The following AKR1D1 variants were observed in gnomAD, a reference collection of about 807,000 sequenced individuals.
The protein encoded by AKR1D1 is delta(4)-3-ketosteroid 5-beta-reductase.
AKR1D1 carries 32 observed loss-of-function variants against 42.6 expected under a neutral mutation model. The observed-to-expected ratio is 0.75, with a 90% CI of 0.57 to 1.01. AKR1D1 has a LOEUF of 1.01. Ranked by LOEUF, AKR1D1 falls within the 50% of genes least tolerant of loss-of-function variation. The probability of loss-of-function intolerance (pLI) is 0.00; values close to 1 mark genes in which losing one functional copy is unlikely to be tolerated. For missense variants in AKR1D1, 364 were observed against 402.2 expected, an observed-to-expected ratio of 0.91 and a Z score of 0.81; for synonymous variants, 123 against 135.5, an observed-to-expected ratio of 0.91 and a Z score of 0.64.
At chr7:138,105,572 T>TG in intron 5 of AKR1D1, 143 bp downstream of exon 5, 1 of 1,274,324 alleles carries the variant, frequency 7.8e-7, no homozygotes, top group Non-Finnish European at 1.1e-6. Context: ...TCTTTAGACT[T>TG]CTTTCTATTG....
intron 1 of AKR1D1, 90 bp downstream of exon 1, chr7:138,076,701 C>A: frequency 1.8e-6 from 2 of 1,094,244 alleles, no homozygotes; most frequent in South Asian, 2.6e-5. Context: ...AAGCAGATCT[C>A]ATTGACTTAC....
At chr7:138,113,119 C>T (rs1794566297) in intron 7 of AKR1D1, among the ~76,000 whole-genome samples, 2 of 152,172 alleles carry the variant, frequency 1.3e-5, no homozygotes, top group South Asian at 4.2e-4. Context: ...GAGTTTGAGA[C>T]CAGCCTGGGC....
intron 3 of AKR1D1, among the ~76,000 whole-genome samples, chr7:138,096,653 T>C (rs1341564751): frequency 6.6e-6 from 1 of 152,154 alleles, no homozygotes; most frequent in East Asian, 1.9e-4. Flanking sequence ...AGACATTTTG[T>C]CTTCCTATTA....
chr7:138,100,911 AGC>A (rs1794294483), intron 4 of AKR1D1, among the ~76,000 whole-genome samples: 1 of 151,766 alleles, frequency 6.6e-6, no homozygotes, highest in Non-Finnish European at 1.5e-5. Context: ...TCACTGTGTT[AGC>A]CAGGATGGTC....
At chr7:138,082,475 C>T (rs1803078811) in intron 1 of AKR1D1, among the ~76,000 whole-genome samples, 1 of 152,038 alleles carries the variant, frequency 6.6e-6, no homozygotes, top group Non-Finnish European at 1.5e-5. Flanking sequence ...TCAAGCAATC[C>T]TCCTGCCTCT....
intron 1 of AKR1D1, among the ~76,000 whole-genome samples, chr7:138,084,171 T>C (rs914519266): frequency 6.6e-6 from 1 of 151,986 alleles, no homozygotes; most frequent in Non-Finnish European, 1.5e-5. Flanking sequence ...CATTCAGACT[T>C]TCCCATAAAA....
intron 1 of AKR1D1, among the ~76,000 whole-genome samples, chr7:138,082,037 T>C (rs556046869): frequency 2.0e-5 from 3 of 152,356 alleles, no homozygotes; most frequent in South Asian, 4.1e-4. Flanking sequence ...AGGTAGATCC[T>C]GCCTGGAGCA....
intron 1 of AKR1D1, among the ~76,000 whole-genome samples, chr7:138,077,666 GAATA>G (rs1470279257): frequency 6.6e-6 from 1 of 152,324 alleles, no homozygotes; most frequent in East Asian, 1.9e-4. Flanking sequence ...CTGATTACGA[GAATA>G]AATAGTGACA....
At position 138,076,731 on chromosome 7, in the gene AKR1D1, A is replaced by T; in HGVS notation, c.93+120A>T. 10 of 816,940 alleles carry T rather than the reference A, an allele frequency of 1.2e-5. No homozygotes were observed. In the South Asian group the frequency reaches 1.5e-4, roughly 12 times the overall value. 50.6% of individuals were successfully genotyped at this position (816,940 alleles called of 1,614,324 possible). On this transcript the variant is annotated intron_variant, in intron 1 of 8. Coordinates refer to ENST00000242375, the MANE Select transcript of AKR1D1 (RefSeq NM_005989.4). ...ACTTACTTTTTGTAGTAATGGAAGC[A>T]ACCTCAATTTGTAATAATGAAAGGA... is the stretch of plus-strand genomic sequence containing the variant.
intron 4 of AKR1D1, among the ~76,000 whole-genome samples, chr7:138,098,675 G>A (rs1044032737): frequency 6.6e-6 from 1 of 152,088 alleles, no homozygotes; most frequent in African/African-American, 2.4e-5. Context: ...AAAGCTGCTG[G>A]CTCTTTTCCC....
rs141553972 is a variant in AKR1D1, at chr7:138,109,528, C to A, written c.855+1948C>A. 7.6e-4 allele frequency among the ~76,000 whole-genome samples: 116 copies of A among 152,320 alleles called. 1 individual carries two copies. The East Asian group carries it at 0.017, about 22-fold the overall frequency. On this transcript the variant is annotated intron_variant, in intron 7 of 8. Transcript: ENST00000242375. ...CTGAAGGTCACCCTCATATTACCCA[C>A]TGTGGCCACTGAGTAGGATACCCTG...
chr7:138,107,994 T>C (rs902663683), intron 7 of AKR1D1, among the ~76,000 whole-genome samples: 1 of 152,110 alleles, frequency 6.6e-6, no homozygotes, highest in African/African-American at 2.4e-5. Context: ...TCTTCCCTTA[T>C]CTATTGACCC....
chr7:138,095,316 A>G (rs1245025156), intron 3 of AKR1D1, among the ~76,000 whole-genome samples: 2 of 152,220 alleles, frequency 1.3e-5, no homozygotes, highest in African/African-American at 4.8e-5. Flanking sequence ...AAGTGCTTAG[A>G]AATCAGAGAC....
At chr7:138,113,979 T>C (rs1485006904) in intron 8 of AKR1D1, among the ~76,000 whole-genome samples, 1 of 151,976 alleles carries the variant, frequency 6.6e-6, no homozygotes, top group African/African-American at 2.4e-5. Flanking sequence ...AAAAGAAGAG[T>C]CCTGGCATCT....
At chr7:138,116,574 G>A in intron 8 of AKR1D1, 46 bp from the exon 9 acceptor site, 3 of 1,610,860 alleles carry the variant, frequency 1.9e-6, no homozygotes, top group Non-Finnish European at 2.5e-6. Flanking sequence ...ATACAGCTGT[G>A]CAATTTTTGA....
At chr7:138,090,631 C>T (rs921672116) in intron 2 of AKR1D1, among the ~76,000 whole-genome samples, 5 of 142,448 alleles carry the variant, frequency 3.5e-5, no homozygotes, top group African/African-American at 1.1e-4. Flanking sequence ...AGCAAGACCC[C>T]GTCTCAAAAA....
rs984080375 is a variant in AKR1D1, at chr7:138,117,645, C to T, written c.*983C>T. The T allele has an allele frequency of 5.9e-5, 9 of 152,132 alleles. No individual in the cohort carries two copies. The highest frequency in any genetic ancestry group is 2.2e-4 in the African/African-American group (9 of 41,412). 9.4% of individuals were successfully genotyped at this position (152,132 alleles called of 1,614,324 possible). A position where few individuals can be genotyped will look rare whatever the true frequency, so the allele number is the denominator to read the frequency against. On this transcript the variant is annotated 3_prime_UTR_variant, in exon 9 of 9. Transcript: ENST00000242375. ...GTTCAAAAGAACTCTGGTAATTTTC[C>T]TGTATGTACAATTTAAAGAGTGAAT... is the stretch of plus-strand genomic sequence containing the variant.
intron 8 of AKR1D1, among the ~76,000 whole-genome samples, chr7:138,115,476 A>G (rs1370587333): frequency 1.3e-5 from 2 of 152,168 alleles, no homozygotes; most frequent in African/African-American, 4.8e-5. Flanking sequence ...CAATCCACCA[A>G]TGTACTAATT....
Position 138,117,731 on chromosome 7 carries a change from T to A in AKR1D1, c.*1069T>A, listed in dbSNP as rs1442178567. The A allele has an allele frequency of 6.6e-6, 1 of 152,220 alleles. No homozygotes were observed. The highest frequency in any genetic ancestry group is 1.9e-4 in the East Asian group (1 of 5,190). The allele number at this position is 152,220 out of a possible 1,614,324, so 9.4% of individuals were successfully genotyped here. ...TTTTCAATTCAACTACAGAAATATA[T>A]TTTATTGGCCGGGTGCGGTGGCTCA... On this transcript the variant is annotated 3_prime_UTR_variant, in exon 9 of 9. Coordinates refer to ENST00000242375, the MANE Select transcript of AKR1D1 (RefSeq NM_005989.4).
Sources: allele counts gnomAD v4.1 joint callset (sites outside exome capture counted in the v4.1 genomes callset), GRCh38; gene constraint gnomAD v4.1.1; transcripts MANE v1.5; gene names NCBI Gene and HGNC (gene_info 2026-07-23, HGNC 2026-07-21).